CREB5: variants seen among roughly 807,000 people sequenced by gnomAD.
The protein encoded by CREB5 is cyclic AMP-responsive element-binding protein 5.
A neutral mutation model predicts 57.1 loss-of-function variants in CREB5; 19 were observed. The observed-to-expected ratio is 0.33, with a 90% CI of 0.23 to 0.49. The LOEUF is 0.49. Among genes scored for constraint, CREB5 ranks in the 20% least tolerant of loss-of-function variants. The probability of loss-of-function intolerance (pLI) is 0.99; values close to 1 mark genes in which losing one functional copy is unlikely to be tolerated. For synonymous variants in CREB5, 238 were observed against 238.3 expected, an observed-to-expected ratio of 1.00 and a Z score of 0.01; for missense variants, 579 against 671.6, an observed-to-expected ratio of 0.86 and a Z score of 1.52.
intron 1 of CREB5, among the ~76,000 whole-genome samples, chr7:28,394,911 T>TA (rs1787306475): frequency 6.6e-6 from 1 of 152,238 alleles, no homozygotes; most frequent in Non-Finnish European, 1.5e-5. Context: ...GCCACACCTT[T>TA]TGCTTTTAGA....
At chr7:28,653,763 T>G (rs1354927496) in intron 5 of CREB5, among the ~76,000 whole-genome samples, 1 of 152,246 alleles carries the variant, frequency 6.6e-6, no homozygotes, top group Non-Finnish European at 1.5e-5. Context: ...TGCTGGGTTC[T>G]GCAGCATAAA....
rs76767199 is a variant in CREB5 at position 28,720,211 on chromosome 7, C to T, written c.591+1332C>T. ...ATGGCTGGTGTATTCACAGGGCCAC[C>T]GGAGTTCTCAGAAGCCCTAGAGGCA... On this transcript the variant is annotated intron_variant, in intron 6 of 10. Coordinates refer to ENST00000357727, the MANE Select transcript of CREB5 (RefSeq NM_182898.4). Among the ~76,000 whole-genome samples, 17 of 152,324 alleles carry T rather than the reference C, an allele frequency of 1.1e-4. No homozygotes were observed. The East Asian group carries it at 1.5e-3, about 14-fold the overall frequency.
upstream of CREB5, among the ~76,000 whole-genome samples, chr7:28,407,862 T>A (rs2128000837): frequency 6.6e-6 from 1 of 152,368 alleles, no homozygotes; most frequent in East Asian, 1.9e-4. Flanking sequence ...GCCAGTCCAG[T>A]CATGATTCTC....
At chr7:28,313,737 G>A (rs1286140736) in intron 1 of CREB5, among the ~76,000 whole-genome samples, 4 of 152,084 alleles carry the variant, frequency 2.6e-5, no homozygotes, top group Non-Finnish European at 5.9e-5. Context: ...ACCCCTTCAC[G>A]GTTTTAACAC....
chr7:28,593,296 C>T (rs574951055), intron 5 of CREB5, among the ~76,000 whole-genome samples: 5 of 152,194 alleles, frequency 3.3e-5, no homozygotes, highest in East Asian at 1.9e-4. Flanking sequence ...TTGCTCAGGA[C>T]GGAGTTCAGT....
chr7:28,337,405 G>T (rs748752358), intron 1 of CREB5, among the ~76,000 whole-genome samples: 1 of 151,976 alleles, frequency 6.6e-6, no homozygotes, highest in Non-Finnish European at 1.5e-5. Context: ...ATTTACAATT[G>T]TTATATCCTA....
intron 1 of CREB5, among the ~76,000 whole-genome samples, chr7:28,442,235 C>T (rs1384420573): frequency 6.6e-6 from 1 of 152,112 alleles, no homozygotes; most frequent in Non-Finnish European, 1.5e-5. Context: ...AGCATAATGT[C>T]CCCCGGGCTT....
chr7:28,662,289 G>A (rs1799639359), intron 5 of CREB5, among the ~76,000 whole-genome samples: 1 of 152,170 alleles, frequency 6.6e-6, no homozygotes, highest in Non-Finnish European at 1.5e-5. Context: ...GACGTTGAAG[G>A]GGCCTGGGCT....
intron 5 of CREB5, among the ~76,000 whole-genome samples, chr7:28,636,523 T>C (rs1798423598): frequency 6.6e-6 from 1 of 152,154 alleles, no homozygotes; most frequent in Non-Finnish European, 1.5e-5. Context: ...CTATGAAAAA[T>C]CATTCCTTTA....
chr7:28,560,652 A>G (rs1483220310), intron 4 of CREB5, among the ~76,000 whole-genome samples: 1 of 152,046 alleles, frequency 6.6e-6, no homozygotes, highest in African/African-American at 2.4e-5. Context: ...AACCATGAAG[A>G]CAAAATCGAC....
chr7:28,409,018 C>T (rs1011146352), upstream of CREB5, among the ~76,000 whole-genome samples: 1 of 151,986 alleles, frequency 6.6e-6, no homozygotes, highest in Non-Finnish European at 1.5e-5. The surrounding 1 kb of genome is among the most constrained non-coding windows in gnomAD (Gnocchi z 4.4). Context: ...GAAGAGCCCA[C>T]GCCCGCGCCT....
intron 4 of CREB5, among the ~76,000 whole-genome samples, chr7:28,565,169 T>G (rs1457432211): frequency 6.6e-6 from 1 of 152,208 alleles, no homozygotes; most frequent in Admixed American, 6.5e-5. Context: ...GCAGGAACCA[T>G]GTATCATAAA....
intron 7 of CREB5, among the ~76,000 whole-genome samples, chr7:28,770,775 CA>C (rs1187020716): frequency 6.6e-6 from 1 of 152,156 alleles, no homozygotes; most frequent in African/African-American, 2.4e-5. Context: ...TGGTGGTTAC[CA>C]GGGGCAGGGG....
intron 1 of CREB5, among the ~76,000 whole-genome samples, chr7:28,378,087 C>T (rs1448126631): frequency 6.6e-6 from 1 of 152,116 alleles, no homozygotes; most frequent in Non-Finnish European, 1.5e-5. Context: ...ATTCAAGGCT[C>T]CTTAACTTAG....
intron 1 of CREB5, among the ~76,000 whole-genome samples, chr7:28,397,101 T>C (rs750205601): frequency 2.0e-5 from 3 of 152,198 alleles, no homozygotes; most frequent in Non-Finnish European, 2.9e-5. Context: ...AGGAAGAATT[T>C]ATTTTAAAGG....
intron 4 of CREB5, among the ~76,000 whole-genome samples, chr7:28,541,090 A>G (rs1245111186): frequency 6.6e-6 from 1 of 152,258 alleles, no homozygotes; most frequent in Non-Finnish European, 1.5e-5. Flanking sequence ...TGCGTAAATG[A>G]ATAAAATATG....
In CREB5 at chr7:28,560,841, T is replaced by TGC. The variant is rs1562797105; in HGVS notation, c.292-9523_292-9522insCG. ...GTGTGTGCGCGCGCGCGCGTGTGTG[T>TGC]GTGCGCGTGTGTGTGTGCGTGTGCC... On this transcript the variant is annotated intron_variant, in intron 4 of 10. Transcript: ENST00000357727. Among the ~76,000 whole-genome samples the TGC allele has an allele frequency of 4.4e-4, 33 of 75,112 alleles. 5 individuals carry two copies. The highest frequency in any genetic ancestry group is 9.8e-4 in the African/African-American group (20 of 20,410). 49.3% of individuals were successfully genotyped at this position (75,112 alleles called of 152,430 possible). A position where few individuals can be genotyped will look rare whatever the true frequency, so the allele number is the denominator to read the frequency against.
rs191796526 is a variant in CREB5, at chr7:28,793,494, G to C, written c.703-10705G>C. ...ACTGGAGGGAAGCCAGATGACAGCT[G>C]TCTCGAGGGGTAGACATGTGTTGGG... On this transcript the variant is annotated intron_variant, in intron 7 of 10. Coordinates refer to ENST00000357727, the MANE Select transcript of CREB5 (RefSeq NM_182898.4). Among the ~76,000 whole-genome samples, 337 of 152,336 alleles carry C rather than the reference G, an allele frequency of 2.2e-3. 4 individuals carry two copies. The highest frequency in any genetic ancestry group is 0.018 in the Admixed American group (269 of 15,302).
At chr7:28,712,524 T>TTTTTTATTATTATTATTA (rs1554289900) in intron 5 of CREB5, among the ~76,000 whole-genome samples, 7 of 135,352 alleles carry the variant, frequency 5.2e-5, no homozygotes, top group South Asian at 2.4e-4. Context: ...AAAAAGAGAA[T>TTTTTTATTATTATTATTA]TTATTATTAT....
Sources: allele counts gnomAD v4.1 joint callset (sites outside exome capture counted in the v4.1 genomes callset), GRCh38; gene constraint gnomAD v4.1.1; non-coding constraint Gnocchi (gnomAD v3.1); transcripts MANE v1.5; gene names NCBI Gene and HGNC (gene_info 2026-07-23, HGNC 2026-07-21).